The following GGT7 variants were observed in gnomAD, a reference collection of about 807,000 sequenced individuals.
The protein encoded by GGT7 is gamma-glutamyltransferase 7, also known as glutathione hydrolase 7.
In GGT7, 30 loss-of-function variants were observed where a neutral mutation model predicts 69.2. The observed-to-expected ratio is 0.43, with a 90% confidence interval of 0.32 to 0.59. GGT7 has a LOEUF of 0.59. Among genes scored for constraint, GGT7 ranks in the 20% least tolerant of loss-of-function variants. GGT7 has a pLI of 0.05. For synonymous variants in GGT7, 388 were observed against 391.8 expected, an observed-to-expected ratio of 0.99 and a Z score of 0.12; for missense variants, 733 against 901.1, an observed-to-expected ratio of 0.81 and a Z score of 2.39.
At chr20:34,864,169 G>T (rs965010665) in intron 1 of GGT7, among the ~76,000 whole-genome samples, 1 of 152,160 alleles carries the variant, frequency 6.6e-6, no homozygotes, top group African/African-American at 2.4e-5. Flanking sequence ...TGGTGGTAGG[G>T]GAGGGAGGAT....
At chr20:34,859,230 A>C (rs532459294) in intron 7 of GGT7, among the ~76,000 whole-genome samples, 30 of 151,870 alleles carry the variant, frequency 2.0e-4, no homozygotes, top group African/African-American at 6.8e-4. Context: ...GTCATATCCC[A>C]GTCAGCTCCT....
At chr20:34,855,225 A>T (rs181347884) in intron 8 of GGT7, among the ~76,000 whole-genome samples, 1 of 152,340 alleles carries the variant, frequency 6.6e-6, no homozygotes, top group Admixed American at 6.5e-5. Context: ...AGCAGAGCAC[A>T]GCAGAAACAG....
chr20:34,863,340 G>T lies in GGT7; in HGVS notation c.378C>A (p.Val126=). ...GGGGGTCCCCGAAGTAGATCTGCAT[G>T]ACCAGCGCCACGGTGACACCGGTAG... The part of the protein sequence containing the change: ...TFATGVTVAL[V]MQIYFGDPQI... The change falls in exon 2 of 15, where the codon GTC becomes GTA. Residue 126 remains valine (V), a synonymous_variant. Coordinates refer to ENST00000336431, the MANE Select transcript of GGT7 (RefSeq NM_178026.3). The surrounding 1 kb of genome is among the most constrained non-coding windows in gnomAD (Gnocchi z 4.4). 6.2e-7 allele frequency: 1 copy of T among 1,613,378 alleles called. No homozygotes were observed. Among genetic ancestry groups the T allele is most frequent in the South Asian group, 1.1e-5 (1 of 91,014 alleles).
chr20:34,867,641 G>C (rs1374967706), intron 1 of GGT7, among the ~76,000 whole-genome samples: 2 of 152,122 alleles, frequency 1.3e-5, no homozygotes, highest in African/African-American at 4.8e-5. Flanking sequence ...ACTTCAGCCT[G>C]GTAGTTCGAG....
intron 8 of GGT7, among the ~76,000 whole-genome samples, chr20:34,856,467 C>T (rs2079492778): frequency 6.6e-6 from 1 of 152,158 alleles, no homozygotes; most frequent in Non-Finnish European, 1.5e-5. Context: ...CTTAAAAATT[C>T]TTAGGAAGTA....
At chr20:34,848,047 C>T (rs2079327175) in intron 14 of GGT7, among the ~76,000 whole-genome samples, 1 of 152,144 alleles carries the variant, frequency 6.6e-6, no homozygotes, top group Non-Finnish European at 1.5e-5. Flanking sequence ...GAGCTGAGAT[C>T]GCACCACTGC....
At chr20:34,862,729 C>G (rs191903018) in intron 3 of GGT7, 85 bp downstream of exon 3, 23 of 1,370,428 alleles carry the variant, frequency 1.7e-5, no homozygotes, top group Non-Finnish European at 2.4e-5. Context: ...GCCCCTCTCC[C>G]TAAGTTAGGA....
At chr20:34,870,822 C>G (rs1194770328) in intron 1 of GGT7, among the ~76,000 whole-genome samples, 1 of 151,994 alleles carries the variant, frequency 6.6e-6, no homozygotes. Context: ...GACTGAGTCT[C>G]ACTCTGTCAC....
chr20:34,845,527 G>A (rs938561219), intron 14 of GGT7, 36 bp from the exon 15 acceptor site: 10 of 1,585,386 alleles, frequency 6.3e-6, no homozygotes, highest in African/African-American at 2.7e-5. Flanking sequence ...CATTCAGAAT[G>A]TACAGAGCAC....
intron 14 of GGT7, among the ~76,000 whole-genome samples, 177 bp from the exon 15 acceptor site, chr20:34,845,668 A>G (rs535146780): frequency 1.3e-5 from 2 of 152,308 alleles, no homozygotes; most frequent in East Asian, 1.9e-4. Context: ...GGATTATATG[A>G]GAACATGAAG....
In GGT7 at chr20:34,862,604, T is replaced by C. The variant is rs144663529; in HGVS notation, c.557+210A>G. 1.6e-3 allele frequency among the ~76,000 whole-genome samples: 236 copies of C among 151,106 alleles called. 2 individuals carry two copies. The highest frequency in any genetic ancestry group is 9.9e-3 in the East Asian group (51 of 5,168). On this transcript the variant is annotated intron_variant, in intron 3 of 14. Coordinates refer to ENST00000336431, the MANE Select transcript of GGT7 (RefSeq NM_178026.3). ...TAGTTAAAAAAAAAAAAAAAAAGCT[T>C]CTGAAAACACTTTCAGGTTTTCCAT...
intron 4 of GGT7, among the ~76,000 whole-genome samples, chr20:34,860,637 C>CT (rs533561120): frequency 0.017 from 1,875 of 113,632 alleles, 26 homozygotes; most frequent in Non-Finnish European, 0.022. Flanking sequence ...CAACCCCTGC[C>CT]TTTTTTTTTT....
At chr20:34,853,819 C>T (rs969403589) in intron 10 of GGT7, among the ~76,000 whole-genome samples, 3 of 152,150 alleles carry the variant, frequency 2.0e-5, no homozygotes, top group African/African-American at 7.2e-5. Flanking sequence ...GCACAGCTAG[C>T]GAAGGGTCAA....
intron 7 of GGT7, among the ~76,000 whole-genome samples, chr20:34,857,798 T>C (rs2146906649): frequency 6.6e-6 from 1 of 152,156 alleles, no homozygotes; most frequent in South Asian, 2.1e-4. Flanking sequence ...TTTGTATGTT[T>C]TGTAGAGATG....
At chr20:34,871,130 C>G (rs2079771429) in intron 1 of GGT7, among the ~76,000 whole-genome samples, 1 of 152,216 alleles carries the variant, frequency 6.6e-6, no homozygotes, top group African/African-American at 2.4e-5. Context: ...TCCCTGCCCT[C>G]ATGGGGCTTA....
chr20:34,867,351 A>G (rs1025814458), intron 1 of GGT7, among the ~76,000 whole-genome samples: 2 of 152,124 alleles, frequency 1.3e-5, no homozygotes, highest in African/African-American at 4.8e-5. Flanking sequence ...AATAAGTCCC[A>G]CTCTCGCCAC....
At chr20:34,866,772 G>T (rs2079697585) in intron 1 of GGT7, among the ~76,000 whole-genome samples, 1 of 151,978 alleles carries the variant, frequency 6.6e-6, no homozygotes, top group South Asian at 2.1e-4. Context: ...GTAGAGGCAG[G>T]GTCTCACCAT....
chr20:34,854,463 T>C, intron 10 of GGT7, 68 bp downstream of exon 10: 1 of 935,662 alleles, frequency 1.1e-6, no homozygotes, highest in Non-Finnish European at 1.7e-6. Context: ...TACCAGCTGC[T>C]TTTCTCCTGA....
At chr20:34,861,382 G>A in intron 4 of GGT7, 63 bp downstream of exon 4, 1 of 732,928 alleles carries the variant, frequency 1.4e-6, no homozygotes, top group South Asian at 2.2e-5. Flanking sequence ...TTAATGCTTG[G>A]GTTAGCAGAA....
Sources: allele counts gnomAD v4.1 joint callset (sites outside exome capture counted in the v4.1 genomes callset), GRCh38; gene constraint gnomAD v4.1.1; non-coding constraint Gnocchi (gnomAD v3.1); transcripts MANE v1.5; gene names NCBI Gene and HGNC (gene_info 2026-07-23, HGNC 2026-07-21).